SPIRE2: variants seen among roughly 807,000 people sequenced by gnomAD.
SPIRE2 encodes protein spire homolog 2.
SPIRE2 carries 76 observed loss-of-function variants against 80.7 expected under a neutral mutation model. The observed-to-expected ratio is 0.94, with a 90% CI of 0.78 to 1.14. SPIRE2 has a LOEUF of 1.14. Among genes scored for constraint, SPIRE2 ranks in the 50% most tolerant of loss-of-function variants. The pLI, the probability that SPIRE2 is intolerant of heterozygous loss-of-function variation, is 0.00. For missense variants in SPIRE2, 1,196 were observed against 1,015.3 expected (o/e 1.18, Z -2.42); for synonymous variants, 535 against 432.6 (o/e 1.24, Z -2.94).
intron 10 of SPIRE2, among the ~76,000 whole-genome samples, chr16:89,861,758 G>T (rs1000393659): frequency 6.6e-6 from 1 of 152,140 alleles, no homozygotes; most frequent in Non-Finnish European, 1.5e-5. Flanking sequence ...CTGAAGTGGC[G>T]TCTTCACCCA....
intron 1 of SPIRE2, among the ~76,000 whole-genome samples, chr16:89,840,538 A>G (rs1192403194): frequency 3.3e-5 from 5 of 149,628 alleles, no homozygotes; most frequent in South Asian, 4.2e-4. Flanking sequence ...ATGAGCCACC[A>G]TGTCTGGCCC....
At chr16:89,868,916 T>C (rs2143833069) in intron 13 of SPIRE2, among the ~76,000 whole-genome samples, 1 of 149,950 alleles carries the variant, frequency 6.7e-6, no homozygotes, top group East Asian at 2.0e-4. Context: ...CTGCAGTTCC[T>C]GCACTTTGGG....
chr16:89,854,500 T>G lies in SPIRE2; in HGVS notation c.740T>G (p.Val247Gly), dbSNP rs577681836. ...CCTGGGGCCCAGGCCCGACTGTGGG[T>G]TCAGCTCATGCGGGAGCTCCGCCGC... ...LGHTDWARLW[V>G]QLMRELRRGV... The change falls in exon 5 of 15, where the codon GTT becomes GGT. Residue 247 changes from valine to glycine, a missense_variant. Val to Gly is a moderately radical substitution (Grantham distance 109). Transcript: ENST00000378247. 1.2e-6 allele frequency: 2 copies of G among 1,612,214 alleles called. No individual in the cohort carries two copies. The highest frequency in any genetic ancestry group is 2.7e-5 in the African/African-American group (2 of 74,950).
In SPIRE2 at chr16:89,828,586, G is replaced by T. The variant is rs367937707; in HGVS notation, c.36G>T (p.Ala12=). 1 of 1,183,204 alleles carries T rather than the reference G, an allele frequency of 8.5e-7. No individual in the cohort carries two copies. Among genetic ancestry groups the T allele is most frequent in the Non-Finnish European group, 1.0e-6 (1 of 957,760 alleles). 73.3% of individuals were successfully genotyped at this position (1,183,204 alleles called of 1,614,324 possible). A position where few individuals can be genotyped will look rare whatever the true frequency, so the allele number is the denominator to read the frequency against. Residue 12 remains alanine, a synonymous_variant, in exon 1 of 15, where the codon GCG becomes GCT. Transcript: ENST00000378247. This position sits in a 1 kb window ranked among gnomAD's most constrained non-coding sequence, Gnocchi z 5.9. ...CGGGCAGCTGCGGCGGCGCCGCGGCGGGCGCAGGGCGGCCGGAGCCCTGGG... is the reference window on the plus strand; with the variant it reads ...CGGGCAGCTGCGGCGGCGCCGCGGCTGGCGCAGGGCGGCCGGAGCCCTGGG... The part of the protein sequence containing the change: ...ARAGSCGGAA[A]GAGRPEPWEL...
At chr16:89,859,491 C>T (rs758375945) in intron 9 of SPIRE2, 137 bp downstream of exon 9, 33 of 417,610 alleles carry the variant, frequency 7.9e-5, no homozygotes, top group Non-Finnish European at 1.2e-4. Context: ...GCCTGCAAGA[C>T]GGCACCACCT....
Position 89,840,935 on chromosome 16 carries a change from C to G in SPIRE2, c.245-4387C>G, listed in dbSNP as rs531455483. Among the ~76,000 whole-genome samples the G allele has an allele frequency of 2.0e-3, 305 of 152,252 alleles. 2 individuals carry two copies. The highest frequency in any genetic ancestry group is 5.0e-3 in the Admixed American group (76 of 15,298). On this transcript the variant is annotated intron_variant, in intron 1 of 14. Coordinates refer to ENST00000378247, the MANE Select transcript of SPIRE2 (RefSeq NM_032451.2). ...TACAGGCGTGAGCCACCGCGCCCAG[C>G]TGAAACCTGTCATCTTTTACAAGCA...
intron 1 of SPIRE2, among the ~76,000 whole-genome samples, chr16:89,843,677 TTTTGTTTGTTTTTGTTTTTTG>T (rs1348922047): frequency 1.5e-3 from 39 of 25,502 alleles, no homozygotes; most frequent in East Asian, 6.4e-3. Context: ...GTTTTTTTTT[TTTTGTTTGTTTTTGTTTTTTG>T]TTTTTTTTTT....
At chr16:89,869,947 G>C (rs2041824792) in intron 14 of SPIRE2, 103 bp from the exon 15 acceptor site, 2 of 1,019,226 alleles carry the variant, frequency 2.0e-6, no homozygotes, top group African/African-American at 1.6e-5. Context: ...GGGAGGCCTA[G>C]GGTGAAAGGC....
intron 2 of SPIRE2, among the ~76,000 whole-genome samples, chr16:89,848,091 TG>T (rs1424722273): frequency 6.6e-6 from 1 of 152,230 alleles, no homozygotes; most frequent in East Asian, 1.9e-4. Flanking sequence ...CCCGCTACGC[TG>T]TCCTTCCCTG....
rs755006899 is a variant in SPIRE2, at chr16:89,850,299, C to T, written c.289-5C>T. On this transcript the variant is annotated splice_region_variant and splice_polypyrimidine_tract_variant and intron_variant, in intron 2 of 14. Coordinates refer to ENST00000378247, the MANE Select transcript of SPIRE2 (RefSeq NM_032451.2). The stretch of plus-strand genomic sequence containing the variant: ...CCGCCCAGTGACCGCGCCCCTGTCC[C>T]GCAGACCGTGCAGTCCCTCGGCTTC... The T allele has an allele frequency of 3.7e-6, 6 of 1,601,588 alleles. No individual in the cohort carries two copies. Among genetic ancestry groups the T allele is most frequent in the East Asian group, 2.2e-5 (1 of 44,460 alleles).
At chr16:89,834,812 G>A (rs1240997090) in intron 1 of SPIRE2, among the ~76,000 whole-genome samples, 1 of 134,840 alleles carries the variant, frequency 7.4e-6, no homozygotes, top group Non-Finnish European at 1.6e-5. Flanking sequence ...GAACCTGCCC[G>A]CATTCGCGGT....
chr16:89,850,071 C>T (rs887256211), intron 2 of SPIRE2: 4 of 653,258 alleles, frequency 6.1e-6, no homozygotes, highest in East Asian at 2.9e-5. Flanking sequence ...CTCCTGACCT[C>T]GTGATCCGCC....
intron 2 of SPIRE2, 51 bp from the exon 3 acceptor site, chr16:89,850,253 C>A: frequency 6.5e-7 from 1 of 1,540,358 alleles, no homozygotes; most frequent in Non-Finnish European, 8.8e-7. Flanking sequence ...CGCGTTCTCC[C>A]CGCCCCACCC....
Position 89,858,502 on chromosome 16 carries a change from T to A in SPIRE2, c.1267T>A (p.Ser423Thr). 4 of 1,591,296 alleles carry A rather than the reference T, an allele frequency of 2.5e-6. No homozygotes were observed. Among genetic ancestry groups the A allele is most frequent in the Non-Finnish European group, 3.4e-6 (4 of 1,169,756 alleles). The change falls in exon 8 of 15, where the codon TCT becomes ACT. Residue 423 changes from serine to threonine, a missense_variant. Ser to Thr is a moderately conservative substitution (Grantham distance 58, BLOSUM62 1). Transcript: ENST00000378247. ...TLAEMEEMNT[S>T]EEEESPCGEV... ...GGCTGAAATGGAAGAGATGAATACA[T>A]CTGAGGTCAGAACCCATGGGGATTC... is the stretch of plus-strand genomic sequence containing the variant.
intron 2 of SPIRE2, 31 bp downstream of exon 2, chr16:89,845,396 G>C (rs1352665765): frequency 6.3e-7 from 1 of 1,582,520 alleles, no homozygotes; most frequent in South Asian, 1.1e-5. Context: ...AGTATTACTT[G>C]ATGTGTGTTA....
chr16:89,842,037 T>A (rs1302863307), intron 1 of SPIRE2, among the ~76,000 whole-genome samples: 1 of 151,268 alleles, frequency 6.6e-6, no homozygotes, highest in East Asian at 2.0e-4. Context: ...AGTAAATAAT[T>A]TTTTAACATC....
chr16:89,863,513 T>A lies in SPIRE2; in HGVS notation c.1613T>A (p.Val538Glu). 1.2e-6 allele frequency: 2 copies of A among 1,613,988 alleles called. No homozygotes were observed. Among genetic ancestry groups the A allele is most frequent in the Non-Finnish European group, 1.7e-6 (2 of 1,179,998 alleles). Residue 538 changes from valine to glutamate, a missense_variant, in exon 11 of 15, where the codon GTG becomes GAG. Transcript: ENST00000378247. The surrounding 1 kb of genome is among the most constrained non-coding windows in gnomAD (Gnocchi z 4.3). ...SHPVESLALTVEEVMDVRRVL... is the reference protein window; with the variant it reads ...SHPVESLALTEEEVMDVRRVL... ...CCCGTGGAGAGCCTGGCGCTGACTGTGGAAGAGGTGATGGACGTGCGCCGT... is the reference window on the plus strand; with the variant it reads ...CCCGTGGAGAGCCTGGCGCTGACTGAGGAAGAGGTGATGGACGTGCGCCGT...
At chr16:89,829,191 G>C (rs1036248136) in intron 1 of SPIRE2, among the ~76,000 whole-genome samples, 41 of 152,346 alleles carry the variant, frequency 2.7e-4, no homozygotes, top group Middle Eastern at 3.4e-3. Flanking sequence ...AGACAGAAGC[G>C]TCCCCTTGGG....
At chr16:89,829,364 C>CCAACAAACCAACCAGAA (rs2041357779) in intron 1 of SPIRE2, among the ~76,000 whole-genome samples, 2 of 152,210 alleles carry the variant, frequency 1.3e-5, no homozygotes, top group Non-Finnish European at 2.9e-5. Flanking sequence ...AACAATTAAG[C>CCAACAAACCAACCAGAA]CCTAGAAAGA....
Sources: allele counts gnomAD v4.1 joint callset (sites outside exome capture counted in the v4.1 genomes callset), GRCh38; gene constraint gnomAD v4.1.1; non-coding constraint Gnocchi (gnomAD v3.1); transcripts MANE v1.5; gene names NCBI Gene and HGNC (gene_info 2026-07-23, HGNC 2026-07-21).